CAMKMT: variants seen among roughly 807,000 people sequenced by gnomAD.
The protein encoded by CAMKMT is CaM KMT.
CAMKMT carries 53 observed loss-of-function variants against 48.0 expected under a neutral mutation model. The ratio of observed to expected loss-of-function variants is 1.10; its 90% CI spans 0.89 to 1.39. CAMKMT has a LOEUF of 1.39. Among genes scored for constraint, CAMKMT ranks in the 40% most tolerant of loss-of-function variants. The pLI is 0.00. For synonymous variants in CAMKMT, 165 were observed against 152.3 expected (o/e 1.08, Z -0.61); for missense variants, 428 against 402.7 (o/e 1.06, Z -0.54).
At chr2:44,377,013 T>C (rs1679765772) in intron 2 of CAMKMT, among the ~76,000 whole-genome samples, 1 of 152,046 alleles carries the variant, frequency 6.6e-6, no homozygotes, top group East Asian at 1.9e-4. Flanking sequence ...GTACTTTCTT[T>C]CTTCCTCTTT....
At chr2:44,692,728 G>C (rs1371388147) in intron 3 of CAMKMT, among the ~76,000 whole-genome samples, 1 of 152,138 alleles carries the variant, frequency 6.6e-6, no homozygotes, top group Non-Finnish European at 1.5e-5. Flanking sequence ...TTCTGCTGTA[G>C]CTTTTTATAG....
At chr2:44,371,465 A>G (rs1290660764) in intron 1 of CAMKMT, among the ~76,000 whole-genome samples, 1 of 152,166 alleles carries the variant, frequency 6.6e-6, no homozygotes, top group African/African-American at 2.4e-5. Flanking sequence ...GGTTATTTAT[A>G]AGTACATTGC....
At chr2:44,535,436 C>T (rs1666720889) in intron 3 of CAMKMT, among the ~76,000 whole-genome samples, 1 of 152,078 alleles carries the variant, frequency 6.6e-6, no homozygotes, top group Non-Finnish European at 1.5e-5. Flanking sequence ...AAAACAACAG[C>T]AACAAAAACT....
chr2:44,628,680 C>G (rs1460608655), intron 3 of CAMKMT, among the ~76,000 whole-genome samples: 1 of 151,974 alleles, frequency 6.6e-6, no homozygotes, highest in African/African-American at 2.4e-5. Flanking sequence ...CAAATTGACC[C>G]TGTAAGCCCT....
At chr2:44,406,205 T>TA (rs1682765856) in intron 3 of CAMKMT, among the ~76,000 whole-genome samples, 1 of 152,190 alleles carries the variant, frequency 6.6e-6, no homozygotes, top group Non-Finnish European at 1.5e-5. Context: ...TGCCTCTAAT[T>TA]ATATTCTCTG....
At chr2:44,723,121 C>T (rs1678563219) in intron 7 of CAMKMT, among the ~76,000 whole-genome samples, 1 of 152,112 alleles carries the variant, frequency 6.6e-6, no homozygotes, top group Admixed American at 6.5e-5. Flanking sequence ...ATTTGTAGAG[C>T]TTGTTATGAC....
chr2:44,766,096 T>C (rs1253884973), intron 9 of CAMKMT, among the ~76,000 whole-genome samples: 4 of 152,198 alleles, frequency 2.6e-5, no homozygotes, highest in Non-Finnish European at 5.9e-5. Flanking sequence ...CTGGACCAGT[T>C]ACTCTAAAAT....
At chr2:44,585,707 G>A (rs1214517968) in intron 3 of CAMKMT, among the ~76,000 whole-genome samples, 1 of 152,216 alleles carries the variant, frequency 6.6e-6, no homozygotes, top group Non-Finnish European at 1.5e-5. Context: ...GTAAGATCAA[G>A]TTCAAGTAAC....
chr2:44,427,487 A>G (rs952716918), intron 3 of CAMKMT, among the ~76,000 whole-genome samples: 1 of 152,252 alleles, frequency 6.6e-6, no homozygotes, highest in Non-Finnish European at 1.5e-5. Flanking sequence ...AAAGTGGGCA[A>G]AGGACACGAA....
At chr2:44,596,375 G>A (rs1419008658) in intron 3 of CAMKMT, among the ~76,000 whole-genome samples, 1 of 151,922 alleles carries the variant, frequency 6.6e-6, no homozygotes, top group Non-Finnish European at 1.5e-5. Flanking sequence ...CTTAAACCCT[G>A]GAGGCGGAGG....
chr2:44,527,060 C>T (rs891787533), intron 3 of CAMKMT, among the ~76,000 whole-genome samples: 2 of 148,802 alleles, frequency 1.3e-5, no homozygotes, highest in Middle Eastern at 3.3e-3. Context: ...TTTCCTCCAG[C>T]CCCCTTATTC....
rs571094521 is a variant in CAMKMT at position 44,403,929 on chromosome 2, C to G, written c.376+13624C>G. 2.0e-5 allele frequency among the ~76,000 whole-genome samples: 3 copies of G among 152,292 alleles called. No individual in the cohort carries two copies. The East Asian group carries it at 5.8e-4, about 29-fold the overall frequency. On this transcript the variant is annotated intron_variant, in intron 3 of 10. Transcript: ENST00000378494. Reference sequence around the variant, plus strand: ...CCTAATTTCTGAATTCTTCAGCCTTCAAGATTCAACTCAGATGTCACCTAT... The same window carrying G: ...CCTAATTTCTGAATTCTTCAGCCTTGAAGATTCAACTCAGATGTCACCTAT...
At chr2:44,421,635 A>G (rs1683942052) in intron 3 of CAMKMT, among the ~76,000 whole-genome samples, 1 of 152,182 alleles carries the variant, frequency 6.6e-6, no homozygotes, top group Non-Finnish European at 1.5e-5. Flanking sequence ...TATTCATAAC[A>G]GGCTTATAGA....
At chr2:44,482,173 G>A (rs1025608461) in intron 3 of CAMKMT, among the ~76,000 whole-genome samples, 3 of 152,036 alleles carry the variant, frequency 2.0e-5, no homozygotes, top group Admixed American at 6.5e-5. Context: ...TGACTGATAT[G>A]CCTGAATTTG....
At chr2:44,665,486 G>T (rs1217962643) in intron 3 of CAMKMT, among the ~76,000 whole-genome samples, 2 of 152,168 alleles carry the variant, frequency 1.3e-5, no homozygotes, top group African/African-American at 2.4e-5. Flanking sequence ...TAGAGGCCTT[G>T]TTTCAGATTA....
chr2:44,701,097 A>C (rs1049935072), intron 3 of CAMKMT, among the ~76,000 whole-genome samples: 4 of 152,202 alleles, frequency 2.6e-5, no homozygotes, highest in Non-Finnish European at 5.9e-5. Flanking sequence ...TGCTGCTATG[A>C]GCATTCGTGT....
intron 3 of CAMKMT, among the ~76,000 whole-genome samples, chr2:44,416,568 ATTTTTTT>A (rs34882377): frequency 1.2e-4 from 10 of 80,262 alleles, no homozygotes; most frequent in Admixed American, 6.3e-4. Flanking sequence ...ACTTAGCATG[ATTTTTTT>A]TTTTTTTTTT....
chr2:44,544,399 G>C (rs989957694), intron 3 of CAMKMT, among the ~76,000 whole-genome samples: 1 of 152,172 alleles, frequency 6.6e-6, no homozygotes, highest in African/African-American at 2.4e-5. Flanking sequence ...AATTGATTGA[G>C]TTACAAATGA....
At chr2:44,505,640 T>C (rs1035327419) in intron 3 of CAMKMT, among the ~76,000 whole-genome samples, 8 of 152,146 alleles carry the variant, frequency 5.3e-5, no homozygotes, top group African/African-American at 1.7e-4. Flanking sequence ...AAGGTCTTCA[T>C]CCTCATCATC....
Sources: gnomAD v4.1 joint callset for allele counts (sites outside exome capture counted in the v4.1 genomes callset) on GRCh38, gnomAD v4.1.1 for gene constraint, MANE v1.5 for transcripts, NCBI Gene and HGNC (gene_info 2026-07-23, HGNC 2026-07-21) for gene names.